FMNL2: variants seen among roughly 807,000 people sequenced by gnomAD.
FMNL2 encodes formin-like protein 2.
FMNL2 carries 51 observed loss-of-function variants against 130.2 expected under a neutral mutation model. The ratio of observed to expected loss-of-function variants is 0.39; its 90% CI spans 0.31 to 0.49. The LOEUF is 0.49. FMNL2 is among the 20% of genes least tolerant of loss of function. The pLI, the probability that FMNL2 is intolerant of heterozygous loss-of-function variation, is 0.85. For missense variants in FMNL2, 977 were observed against 1,316.2 expected (o/e 0.74, Z 3.99); for synonymous variants, 465 against 467.1 (o/e 1.00, Z 0.06).
intron 1 of FMNL2, among the ~76,000 whole-genome samples, chr2:152,521,235 C>G (rs1389616922): frequency 6.6e-6 from 1 of 152,054 alleles, no homozygotes; most frequent in Non-Finnish European, 1.5e-5. Flanking sequence ...GTGAAAGTAC[C>G]TGGGAAAAAA....
chr2:152,391,129 G>C (rs985489096), intron 1 of FMNL2, among the ~76,000 whole-genome samples: 2 of 152,110 alleles, frequency 1.3e-5, no homozygotes, highest in African/African-American at 4.8e-5. Context: ...AGAGCTTCCC[G>C]AACTTCCAAC....
intron 9 of FMNL2, among the ~76,000 whole-genome samples, chr2:152,601,114 T>A (rs1372391582): frequency 6.6e-6 from 1 of 152,094 alleles, no homozygotes; most frequent in Admixed American, 6.5e-5. Context: ...GACAACTAAG[T>A]AAGTATAAGA....
intron 1 of FMNL2, among the ~76,000 whole-genome samples, chr2:152,368,169 A>G (rs1392543321): frequency 6.6e-6 from 1 of 152,164 alleles, no homozygotes; most frequent in Non-Finnish European, 1.5e-5. Flanking sequence ...TTCATGCAGT[A>G]TACATTTTCA....
chr2:152,371,514 C>G (rs571474813), intron 1 of FMNL2, among the ~76,000 whole-genome samples: 1 of 151,712 alleles, frequency 6.6e-6, no homozygotes, highest in East Asian at 1.9e-4. Context: ...ACTAAAAGTA[C>G]AAAAATTAGC....
intron 1 of FMNL2, among the ~76,000 whole-genome samples, chr2:152,390,817 C>T (rs1308660295): frequency 6.6e-6 from 1 of 152,130 alleles, no homozygotes; most frequent in Non-Finnish European, 1.5e-5. Flanking sequence ...CCCCAGTTGG[C>T]CTACTGTTAG....
intron 2 of FMNL2, among the ~76,000 whole-genome samples, chr2:152,537,252 C>G (rs2577181): frequency 0.85 from 129,158 of 152,188 alleles, 55,408 homozygotes; most frequent in Middle Eastern, 0.93. Flanking sequence ...GTTCTTTTCA[C>G]AATGGTCTAG....
chr2:152,471,955 A>G (rs1409911336), intron 1 of FMNL2, among the ~76,000 whole-genome samples: 4 of 152,142 alleles, frequency 2.6e-5, no homozygotes, highest in African/African-American at 9.7e-5. Context: ...TATTTTTTAA[A>G]GCTCCTCATT....
chr2:152,491,400 G>A (rs1220463624), intron 1 of FMNL2, among the ~76,000 whole-genome samples: 3 of 152,080 alleles, frequency 2.0e-5, no homozygotes, highest in Non-Finnish European at 4.4e-5. Context: ...AATGGCTGCC[G>A]GCCTGCCAGG....
intron 4 of FMNL2, among the ~76,000 whole-genome samples, chr2:152,551,700 G>T (rs1430602350): frequency 6.6e-6 from 1 of 152,172 alleles, no homozygotes; most frequent in Non-Finnish European, 1.5e-5. Context: ...ATATTTTATT[G>T]TACTGTTTAA....
intron 1 of FMNL2, among the ~76,000 whole-genome samples, chr2:152,456,234 G>A (rs2105097790): frequency 6.6e-6 from 1 of 152,342 alleles, no homozygotes; most frequent in East Asian, 1.9e-4. Flanking sequence ...TCACTAGAAA[G>A]AGGAAGAAGA....
chr2:152,560,161 CT>C (rs201288912), intron 5 of FMNL2, among the ~76,000 whole-genome samples: 3,016 of 138,192 alleles, frequency 0.022, 81 homozygotes, highest in African/African-American at 0.072. Flanking sequence ...AATACAATTT[CT>C]TTTTTTTTTT....
intron 1 of FMNL2, among the ~76,000 whole-genome samples, chr2:152,466,829 T>C (rs1190783462): frequency 6.6e-6 from 1 of 152,182 alleles, no homozygotes; most frequent in Non-Finnish European, 1.5e-5. Context: ...GCCTCTGCAG[T>C]CCCCGTGAAG....
At chr2:152,646,005 G>A (rs1683518905) in intron 25 of FMNL2, among the ~76,000 whole-genome samples, 1 of 152,058 alleles carries the variant, frequency 6.6e-6, no homozygotes, top group Non-Finnish European at 1.5e-5. Context: ...ATTGGGGTAT[G>A]CAAAACTATT....
intron 1 of FMNL2, among the ~76,000 whole-genome samples, chr2:152,434,671 ACTC>A (rs1276362002): frequency 6.6e-6 from 1 of 151,466 alleles, no homozygotes; most frequent in African/African-American, 2.4e-5. Flanking sequence ...TAACTGGCCT[ACTC>A]CTGCTTGCCC....
chr2:152,419,649 C>T (rs1204737615), intron 1 of FMNL2, among the ~76,000 whole-genome samples: 1 of 151,950 alleles, frequency 6.6e-6, no homozygotes, highest in East Asian at 1.9e-4. Context: ...TTCTGGGATC[C>T]ATCCTGAAGT....
At chr2:152,347,660 G>A (rs1373290081) in intron 1 of FMNL2, among the ~76,000 whole-genome samples, 1 of 152,110 alleles carries the variant, frequency 6.6e-6, no homozygotes, top group African/African-American at 2.4e-5. Flanking sequence ...TTTAGCTTTT[G>A]TTATCTTTCT....
chr2:152,335,887 C>A (rs1373504429), intron 1 of FMNL2, among the ~76,000 whole-genome samples, 167 bp downstream of exon 1: 1 of 151,610 alleles, frequency 6.6e-6, no homozygotes. Context: ...CTTCACCCCC[C>A]TGGCAGTCCC....
At chr2:152,512,843 A>G (rs1692560938) in intron 1 of FMNL2, among the ~76,000 whole-genome samples, 1 of 152,212 alleles carries the variant, frequency 6.6e-6, no homozygotes, top group Non-Finnish European at 1.5e-5. Flanking sequence ...CTTCTGTTCT[A>G]AGAAAACTAT....
At chr2:152,459,935 C>T (rs902728414) in intron 1 of FMNL2, among the ~76,000 whole-genome samples, 2 of 152,124 alleles carry the variant, frequency 1.3e-5, no homozygotes, top group African/African-American at 2.4e-5. Context: ...CCAAAATTTT[C>T]GTTTGAGTCC....
Sources: allele counts gnomAD v4.1 joint callset (sites outside exome capture counted in the v4.1 genomes callset), GRCh38; gene constraint gnomAD v4.1.1; transcripts MANE v1.5; gene names NCBI Gene and HGNC (gene_info 2026-07-23, HGNC 2026-07-21).